Variants in DACH1 observed in about 807,000 individuals in gnomAD.
The protein encoded by DACH1 is dachshund homolog 1.
Under a neutral mutation model 54.2 loss-of-function variants are expected in DACH1, and 12 were observed. That is an observed-to-expected ratio of 0.22 (90% CI 0.14 to 0.36). The LOEUF (loss-of-function observed/expected upper bound fraction) is 0.36, where lower values mean the gene tolerates loss of function less well. Ranked by LOEUF, DACH1 falls within the 10% of genes least tolerant of loss-of-function variation. The pLI is 1.00. For missense variants in DACH1, 805 were observed against 929.8 expected, an observed-to-expected ratio of 0.87 and a Z score of 1.75; for synonymous variants, 386 against 366.2, an observed-to-expected ratio of 1.05 and a Z score of -0.62.
At chr13:71,449,966 GTTAAATGAC>G in intron 10 of DACH1, among the ~76,000 whole-genome samples, 1 of 151,544 alleles carries the variant, frequency 6.6e-6, no homozygotes, top group South Asian at 2.1e-4. Context: ...TATACCTAAT[GTTAAATGAC>G]GAGTTACTGG....
chr13:71,814,582 G>A (rs912239294), intron 1 of DACH1, among the ~76,000 whole-genome samples: 2 of 152,152 alleles, frequency 1.3e-5, no homozygotes, highest in African/African-American at 4.8e-5. Flanking sequence ...GATTGTAATG[G>A]ACTCTTTGGA....
At chr13:71,806,360 T>G (rs919758398) in intron 1 of DACH1, among the ~76,000 whole-genome samples, 7 of 152,178 alleles carry the variant, frequency 4.6e-5, no homozygotes, top group Non-Finnish European at 8.8e-5. Flanking sequence ...ACAGTTTCCT[T>G]TTGATATGTG....
At chr13:71,650,810 C>T (rs147869079) in intron 2 of DACH1, among the ~76,000 whole-genome samples, 3 of 152,094 alleles carry the variant, frequency 2.0e-5, no homozygotes, top group African/African-American at 7.2e-5. Flanking sequence ...GCATCTTCAT[C>T]ATAATAAATT....
At chr13:71,773,975 TAA>T (rs560299450) in intron 1 of DACH1, among the ~76,000 whole-genome samples, 40,680 of 142,274 alleles carry the variant, frequency 0.29, 5,831 homozygotes, top group African/African-American at 0.3. Flanking sequence ...ATTGCCTGTT[TAA>T]AAAAAAAAAA....
At chr13:71,790,338 A>C (rs1301324479) in intron 1 of DACH1, among the ~76,000 whole-genome samples, 1 of 152,172 alleles carries the variant, frequency 6.6e-6, no homozygotes, top group Non-Finnish European at 1.5e-5. Flanking sequence ...CATCTCTAGA[A>C]GTCCCACTAA....
chr13:71,585,231 T>C lies in DACH1; in HGVS notation c.1127-12219A>G, dbSNP rs576989197. On this transcript the variant is annotated intron_variant, in intron 3 of 10. Coordinates refer to ENST00000613252, the MANE Select transcript of DACH1 (RefSeq NM_080759.6). ...AAATAAACAAATAAATAAAGTAATA[T>C]TATATGCCAATTATGGAAGGATGAA... Among the ~76,000 whole-genome samples the C allele has an allele frequency of 5.9e-5, 9 of 152,250 alleles. No individual in the cohort carries two copies. The East Asian group carries it at 7.7e-4, about 13-fold the overall frequency.
chr13:71,831,344 A>G (rs897617374), intron 1 of DACH1, among the ~76,000 whole-genome samples: 1 of 151,888 alleles, frequency 6.6e-6, no homozygotes, highest in Non-Finnish European at 1.5e-5. Context: ...GTTAAATAGT[A>G]TTATATAAAA....
At chr13:71,592,476 CAT>C (rs1873784519) in intron 3 of DACH1, among the ~76,000 whole-genome samples, 1 of 77,834 alleles carries the variant, frequency 1.3e-5, no homozygotes, top group Admixed American at 2.1e-4. Context: ...GCCTGGGAGA[CAT>C]AGCAAGACTC....
intron 3 of DACH1, among the ~76,000 whole-genome samples, chr13:71,597,654 T>A (rs1334083029): frequency 1.3e-5 from 2 of 152,160 alleles, no homozygotes; most frequent in Non-Finnish European, 2.9e-5. Context: ...GGGAATTGAT[T>A]TGGTCTCTCA....
At chr13:71,473,857 T>G (rs1054011164) in intron 10 of DACH1, among the ~76,000 whole-genome samples, 1 of 152,204 alleles carries the variant, frequency 6.6e-6, no homozygotes, top group Non-Finnish European at 1.5e-5. Flanking sequence ...ATTTGTCTTG[T>G]TGGTGCTATT....
intron 6 of DACH1, among the ~76,000 whole-genome samples, chr13:71,552,918 C>T (rs1048577116): frequency 1.4e-5 from 2 of 142,364 alleles, no homozygotes; most frequent in African/African-American, 5.2e-5. Flanking sequence ...TGGTAGCTCA[C>T]GCCCTGTAAT....
intron 10 of DACH1, among the ~76,000 whole-genome samples, chr13:71,455,158 A>G (rs796096700): frequency 3.3e-5 from 5 of 152,298 alleles, no homozygotes; most frequent in African/African-American, 1.2e-4. Flanking sequence ...ATGTGCAAAA[A>G]TCAAAACAAA....
chr13:71,664,095 T>A (rs1199019516), intron 2 of DACH1, among the ~76,000 whole-genome samples: 1 of 151,960 alleles, frequency 6.6e-6, no homozygotes, highest in African/African-American at 2.4e-5. Context: ...TTGACAGACT[T>A]TGTAGTGAGG....
At chr13:71,827,240 T>A (rs61198152) in intron 1 of DACH1, among the ~76,000 whole-genome samples, 4,543 of 152,088 alleles carry the variant, frequency 0.03, 217 homozygotes, top group African/African-American at 0.1. Flanking sequence ...AAGGCAATAT[T>A]ACAATCATTG....
In DACH1 at chr13:71,633,998, A is replaced by G. The variant is rs1422416398; in HGVS notation, c.965-3281T>C. ...TTTTTTTTTTTTTCTTTTGAGACAG[A>G]GTCTCCTTCTGTCACCCAGGCTGGA... On this transcript the variant is annotated intron_variant, in intron 2 of 10. Coordinates refer to ENST00000613252, the MANE Select transcript of DACH1 (RefSeq NM_080759.6). Among the ~76,000 whole-genome samples, 5 of 146,558 alleles carry G rather than the reference A, an allele frequency of 3.4e-5. No individual in the cohort carries two copies. In the South Asian group the frequency reaches 8.9e-4, roughly 26 times the overall value.
intron 10 of DACH1, among the ~76,000 whole-genome samples, chr13:71,462,963 A>G (rs986338375): frequency 2.0e-5 from 3 of 151,836 alleles, no homozygotes; most frequent in Non-Finnish European, 2.9e-5. Flanking sequence ...TTGTGTGTCT[A>G]TACTCAGTGA....
At chr13:71,555,974 A>G (rs1376048456) in intron 6 of DACH1, among the ~76,000 whole-genome samples, 1 of 152,152 alleles carries the variant, frequency 6.6e-6, no homozygotes, top group Non-Finnish European at 1.5e-5. Flanking sequence ...AGCTCAAATA[A>G]TCTAATTTGT....
At position 71,525,986 on chromosome 13, in the gene DACH1, C is replaced by T. The variant is rs186155836; in HGVS notation, c.1570+31038G>A. 3.3e-5 allele frequency among the ~76,000 whole-genome samples: 5 copies of T among 152,158 alleles called. No individual in the cohort carries two copies. The East Asian group carries it at 9.7e-4, about 29-fold the overall frequency. On this transcript the variant is annotated intron_variant, in intron 6 of 10. Transcript: ENST00000613252. The stretch of plus-strand genomic sequence containing the variant: ...AATGCTAAGAACTTAGAAGCTCTAA[C>T]CTTAAAGACAAGCTGACAATTTAGT...
At position 71,590,932 on chromosome 13, in the gene DACH1, G is replaced by T. The variant is rs1873668731; in HGVS notation, c.1127-17920C>A. Among the ~76,000 whole-genome samples, 4 of 136,448 alleles carry T rather than the reference G, an allele frequency of 2.9e-5. No individual in the cohort carries two copies. The Admixed American group carries it at 3.3e-4, about 11-fold the overall frequency. 89.5% of individuals were successfully genotyped at this position (136,448 alleles called of 152,430 possible). ...GTCTGGCTGTCAACCAGGCGGGAGT[G>T]CAGGGGCGCCATCTCAGGTCACTGC... On this transcript the variant is annotated intron_variant, in intron 3 of 10. Coordinates refer to ENST00000613252, the MANE Select transcript of DACH1 (RefSeq NM_080759.6).
Sources: allele counts gnomAD v4.1 joint callset (sites outside exome capture counted in the v4.1 genomes callset), GRCh38; gene constraint gnomAD v4.1.1; transcripts MANE v1.5; gene names NCBI Gene and HGNC (gene_info 2026-07-23, HGNC 2026-07-21).